LARP4B: variants seen among roughly 807,000 people sequenced by gnomAD.
The protein encoded by LARP4B is La ribonucleoprotein 4B.
LARP4B carries 12 observed loss-of-function variants against 89.8 expected under a neutral mutation model. The ratio of observed to expected loss-of-function variants is 0.13; its 90% CI spans 0.09 to 0.22. The LOEUF is 0.22. LARP4B is among the 10% of genes least tolerant of loss of function. The pLI is 1.00. For synonymous variants in LARP4B, 367 were observed against 363.3 expected, an observed-to-expected ratio of 1.01 and a Z score of -0.12; for missense variants, 757 against 947.7, an observed-to-expected ratio of 0.80 and a Z score of 2.64.
chr10:940,124 T>A, the LARP4B span, among the ~76,000 whole-genome samples: 1 of 151,768 alleles, frequency 6.6e-6, no homozygotes, highest in Non-Finnish European at 1.5e-5. Context: ...TTCAAGCGAT[T>A]CTCCTGCCTC....
the LARP4B span, among the ~76,000 whole-genome samples, chr10:951,688 G>A: frequency 1.3e-5 from 2 of 152,364 alleles, no homozygotes; most frequent in Admixed American, 6.5e-5. Flanking sequence ...GCTGCCACTA[G>A]GAGCCACAGA....
chr10:899,943 AC>A (rs746791698), intron 1 of LARP4B, among the ~76,000 whole-genome samples: 9 of 152,214 alleles, frequency 5.9e-5, no homozygotes, highest in Non-Finnish European at 1.2e-4. Context: ...CAATGTCCAA[AC>A]AAAATTTGTA....
chr10:849,366 AT>A (rs1489024139), intron 5 of LARP4B, among the ~76,000 whole-genome samples: 1 of 152,226 alleles, frequency 6.6e-6, no homozygotes, highest in Non-Finnish European at 1.5e-5. Context: ...TTGATGGGGC[AT>A]GTCAAAGGGA....
At chr10:869,206 A>G (rs1406714736) in intron 3 of LARP4B, among the ~76,000 whole-genome samples, 3 of 152,248 alleles carry the variant, frequency 2.0e-5, no homozygotes, top group Non-Finnish European at 4.4e-5. Context: ...TACCTGCCTC[A>G]GACACATACA....
chr10:868,453 T>C (rs1292175717), intron 3 of LARP4B, among the ~76,000 whole-genome samples: 1 of 151,650 alleles, frequency 6.6e-6, no homozygotes, highest in Non-Finnish European at 1.5e-5. Flanking sequence ...GCACCATCGT[T>C]AAACGTGGTA....
At chr10:867,579 G>A (rs756475618) in intron 3 of LARP4B, among the ~76,000 whole-genome samples, 6 of 151,998 alleles carry the variant, frequency 3.9e-5, no homozygotes, top group Non-Finnish European at 5.9e-5. Flanking sequence ...CTCCAGCGTC[G>A]GCCGGGTGTG....
chr10:829,804 C>G (rs1396782223), intron 9 of LARP4B, 70 bp from the exon 10 acceptor site: 3 of 1,009,370 alleles, frequency 3.0e-6, no homozygotes, highest in Non-Finnish European at 4.7e-6. Flanking sequence ...ATAGTTCACT[C>G]AATAGCTCAA....
At chr10:958,876 AG>A in the LARP4B span, among the ~76,000 whole-genome samples, 4 of 152,264 alleles carry the variant, frequency 2.6e-5, no homozygotes, top group African/African-American at 9.6e-5. Flanking sequence ...CAGAGACTTC[AG>A]GTTGAACATG....
At chr10:912,456 A>G in intron 1 of LARP4B, among the ~76,000 whole-genome samples, 1 of 152,128 alleles carries the variant, frequency 6.6e-6, no homozygotes, top group East Asian at 1.9e-4. Flanking sequence ...TGCTTTTCAA[A>G]TTTAAGTATT....
the LARP4B span, among the ~76,000 whole-genome samples, chr10:970,274 T>TG: frequency 6.6e-6 from 1 of 152,182 alleles, no homozygotes; most frequent in Non-Finnish European, 1.5e-5. Context: ...CAAAAAGAAA[T>TG]GTCTAAGCAT....
intron 1 of LARP4B, among the ~76,000 whole-genome samples, chr10:898,852 T>C (rs1351361494): frequency 6.6e-6 from 1 of 152,212 alleles, no homozygotes; most frequent in African/African-American, 2.4e-5. Flanking sequence ...AGCTACTAAG[T>C]TCAGTGAGGC....
intron 1 of LARP4B, among the ~76,000 whole-genome samples, chr10:900,254 G>C (rs1836297369): frequency 6.6e-6 from 1 of 151,990 alleles, no homozygotes; most frequent in African/African-American, 2.4e-5. Context: ...GGCTGAGGCA[G>C]GAGAATTGCT....
chr10:969,307 G>A, the LARP4B span, among the ~76,000 whole-genome samples: 4 of 152,076 alleles, frequency 2.6e-5, no homozygotes, highest in African/African-American at 7.3e-5. Context: ...TCCAAGTGAC[G>A]GTTCAGACTT....
chr10:847,003 A>G (rs1833810119), intron 5 of LARP4B, among the ~76,000 whole-genome samples: 1 of 152,234 alleles, frequency 6.6e-6, no homozygotes, highest in Non-Finnish European at 1.5e-5. Context: ...ACTAACTACT[A>G]GATCTGGCTG....
At chr10:888,043 G>A (rs1487830681) in intron 1 of LARP4B, among the ~76,000 whole-genome samples, 1 of 151,556 alleles carries the variant, frequency 6.6e-6, no homozygotes, top group Non-Finnish European at 1.5e-5. Context: ...TAACAGGCCA[G>A]GTGCAGTGGC....
At chr10:919,630 T>C (rs557039041) in intron 1 of LARP4B, among the ~76,000 whole-genome samples, 14 of 152,314 alleles carry the variant, frequency 9.2e-5, no homozygotes, top group East Asian at 7.7e-4. Flanking sequence ...CACACCACAG[T>C]TGCCTGAGGA....
At chr10:885,526 T>C in intron 2 of LARP4B, 115 bp downstream of exon 2, 5 of 665,478 alleles carry the variant, frequency 7.5e-6, no homozygotes, top group Non-Finnish European at 1.0e-5. Context: ...AATATCTGTA[T>C]GCAGATCCTA....
chr10:951,725 A>C, the LARP4B span, among the ~76,000 whole-genome samples: 1 of 152,212 alleles, frequency 6.6e-6, no homozygotes, highest in African/African-American at 2.4e-5. Context: ...TTAACATACA[A>C]CCTTTAAGAG....
intron 1 of LARP4B, among the ~76,000 whole-genome samples, chr10:901,760 A>C (rs1483460376): frequency 6.6e-6 from 1 of 152,238 alleles, no homozygotes; most frequent in African/African-American, 2.4e-5. Flanking sequence ...AATAAATTTC[A>C]AGACTAATTT....
Sources: allele counts gnomAD v4.1 joint callset (sites outside exome capture counted in the v4.1 genomes callset), GRCh38; gene constraint gnomAD v4.1.1; transcripts MANE v1.5; gene names NCBI Gene and HGNC (gene_info 2026-07-23, HGNC 2026-07-21).